MARCHF11: variants seen among roughly 807,000 people sequenced by gnomAD.
MARCHF11 encodes membrane associated ring-CH-type finger 11, also known as E3 ubiquitin-protein ligase MARCHF11.
MARCHF11 carries 29 observed loss-of-function variants against 37.3 expected under a neutral mutation model. That is an observed-to-expected ratio of 0.78 (90% CI 0.58 to 1.06). MARCHF11 has a LOEUF of 1.06. Ranked by LOEUF, MARCHF11 falls within the 50% of genes least tolerant of loss-of-function variation. The pLI is 0.00. For synonymous variants in MARCHF11, 233 were observed against 228.0 expected (o/e 1.02, Z -0.20); for missense variants, 482 against 533.4 (o/e 0.90, Z 0.95).
chr5:16,072,635 A>G (rs1736458044), intron 3 of MARCHF11, among the ~76,000 whole-genome samples: 1 of 152,058 alleles, frequency 6.6e-6, no homozygotes, highest in African/African-American at 2.4e-5. Context: ...GACACCAGAT[A>G]TGCTGCTGGC....
At chr5:16,154,948 A>G (rs1364672300) in intron 2 of MARCHF11, among the ~76,000 whole-genome samples, 2 of 151,826 alleles carry the variant, frequency 1.3e-5, no homozygotes, top group Non-Finnish European at 2.9e-5. Context: ...CAAAAGTTTA[A>G]TGGCTCATAT....
At chr5:16,075,424 G>T (rs1314030040) in intron 3 of MARCHF11, among the ~76,000 whole-genome samples, 1 of 152,156 alleles carries the variant, frequency 6.6e-6, no homozygotes, top group Non-Finnish European at 1.5e-5. Context: ...GAAAATATCT[G>T]CACTGATTTC....
chr5:16,143,367 C>T (rs1186261538), intron 2 of MARCHF11, among the ~76,000 whole-genome samples: 2 of 152,222 alleles, frequency 1.3e-5, no homozygotes, highest in African/African-American at 4.8e-5. Context: ...GTCCCTCTAA[C>T]AATGCTAGAT....
At chr5:16,075,450 A>G (rs1736501222) in intron 3 of MARCHF11, among the ~76,000 whole-genome samples, 1 of 152,214 alleles carries the variant, frequency 6.6e-6, no homozygotes, top group South Asian at 2.1e-4. Flanking sequence ...TACCTGTACT[A>G]TAATGATTTG....
intron 2 of MARCHF11, among the ~76,000 whole-genome samples, chr5:16,116,725 TC>T (rs1186642990): frequency 6.6e-6 from 1 of 152,102 alleles, no homozygotes; most frequent in Non-Finnish European, 1.5e-5. Flanking sequence ...CAAAGATCTA[TC>T]ATACAATGAT....
At chr5:16,129,634 G>A (rs573102942) in intron 2 of MARCHF11, among the ~76,000 whole-genome samples, 2 of 152,168 alleles carry the variant, frequency 1.3e-5, no homozygotes, top group African/African-American at 4.8e-5. Context: ...TTGGCTCAGC[G>A]ATATTTTATT....
intron 2 of MARCHF11, among the ~76,000 whole-genome samples, chr5:16,176,096 A>T (rs1738348723): frequency 6.8e-6 from 1 of 146,928 alleles, no homozygotes; most frequent in Non-Finnish European, 1.5e-5. Context: ...AGTAAATAGT[A>T]TTTTTTTTTT....
intron 2 of MARCHF11, chr5:16,129,362 G>T (rs1035461109): frequency 6.6e-6 from 1 of 152,044 alleles, no homozygotes; most frequent in Non-Finnish European, 1.5e-5. Context: ...GTGTTTGTTT[G>T]GTTATATTGG....
intron 2 of MARCHF11, among the ~76,000 whole-genome samples, chr5:16,112,433 C>T (rs768595523): frequency 4.6e-5 from 7 of 152,286 alleles, no homozygotes; most frequent in South Asian, 4.2e-4. Context: ...TTGACTACCC[C>T]ACTGGATTCT....
intron 2 of MARCHF11, among the ~76,000 whole-genome samples, chr5:16,148,840 C>T (rs1737846448): frequency 6.6e-6 from 1 of 152,136 alleles, no homozygotes; most frequent in South Asian, 2.1e-4. Flanking sequence ...GACAGGCATG[C>T]TCAGCCAACT....
intron 2 of MARCHF11, among the ~76,000 whole-genome samples, chr5:16,139,328 A>G (rs893936922): frequency 6.6e-6 from 1 of 152,190 alleles, no homozygotes; most frequent in African/African-American, 2.4e-5. Flanking sequence ...GCTGGCCACC[A>G]TGTAAGATGT....
intron 2 of MARCHF11, among the ~76,000 whole-genome samples, chr5:16,153,021 A>G (rs777654834): frequency 1.7e-4 from 26 of 151,996 alleles, no homozygotes; most frequent in Non-Finnish European, 3.4e-4. Context: ...AAGGCACTGC[A>G]GAGGATGGAA....
intron 2 of MARCHF11, among the ~76,000 whole-genome samples, chr5:16,161,837 A>T (rs988257515): frequency 6.6e-6 from 1 of 151,972 alleles, no homozygotes; most frequent in African/African-American, 2.4e-5. Flanking sequence ...TACAGCCTCA[A>T]ATATTCATTC....
chr5:16,123,016 G>T, intron 2 of MARCHF11, among the ~76,000 whole-genome samples: 1 of 152,144 alleles, frequency 6.6e-6, no homozygotes, highest in Middle Eastern at 3.2e-3. Flanking sequence ...CTCATGAGCT[G>T]GCCCTTGTCC....
intron 2 of MARCHF11, among the ~76,000 whole-genome samples, chr5:16,140,246 A>G (rs576162819): frequency 6.6e-6 from 1 of 152,300 alleles, no homozygotes; most frequent in East Asian, 1.9e-4. Context: ...TAAACATTCA[A>G]TTCAAGAAAT....
At chr5:16,177,948 CT>C (rs1738391556) in intron 1 of MARCHF11, 67 bp from the exon 2 acceptor site, 1 of 1,445,610 alleles carries the variant, frequency 6.9e-7, no homozygotes, top group Non-Finnish European at 9.3e-7. Flanking sequence ...CTAATGCTTC[CT>C]TTCTTTTCTT....
rs191747827 is a variant in MARCHF11, at chr5:16,080,837, G to A, written c.886+10052C>T. Among the ~76,000 whole-genome samples, 6 of 151,944 alleles carry A rather than the reference G, an allele frequency of 3.9e-5. No homozygotes were observed. The East Asian group carries it at 5.8e-4, about 15-fold the overall frequency. On this transcript the variant is annotated intron_variant, in intron 3 of 3. Coordinates refer to ENST00000332432, the MANE Select transcript of MARCHF11 (RefSeq NM_001102562.3). ...TCCCTACTCTCCTTTATGTTTCCAC[G>A]CTACCAAACACCTCTCTTTAATATT...
chr5:16,162,283 G>T (rs1321629421), intron 2 of MARCHF11, among the ~76,000 whole-genome samples: 1 of 151,722 alleles, frequency 6.6e-6, no homozygotes, highest in Non-Finnish European at 1.5e-5. Flanking sequence ...GAACATGCTA[G>T]ATATAAAATA....
chr5:16,077,327 C>A (rs539645778), intron 3 of MARCHF11, among the ~76,000 whole-genome samples: 1 of 151,948 alleles, frequency 6.6e-6, no homozygotes, highest in Admixed American at 6.6e-5. Context: ...CTGTTTTTCT[C>A]CAACGGATAA....
Sources: gnomAD v4.1 joint callset for allele counts (sites outside exome capture counted in the v4.1 genomes callset) on GRCh38, gnomAD v4.1.1 for gene constraint, MANE v1.5 for transcripts, NCBI Gene and HGNC (gene_info 2026-07-23, HGNC 2026-07-21) for gene names.